NBEA: variants seen among roughly 807,000 people sequenced by gnomAD.
The protein encoded by NBEA is lysosomal-trafficking regulator 2.
In NBEA, 44 loss-of-function variants were observed where a neutral mutation model predicts 343.4. That is an observed-to-expected ratio of 0.13 (90% CI 0.10 to 0.16). The LOEUF is 0.16. Ranked by LOEUF, NBEA falls within the 10% of genes least tolerant of loss-of-function variation. NBEA has a pLI of 1.00. For missense variants in NBEA, 2,555 were observed against 3,631.3 expected, an observed-to-expected ratio of 0.70 and a Z score of 7.62; for synonymous variants, 1,175 against 1,238.7, an observed-to-expected ratio of 0.95 and a Z score of 1.08.
chr13:35,603,948 A>G (rs1358194416), intron 47 of NBEA, among the ~76,000 whole-genome samples: 2 of 152,214 alleles, frequency 1.3e-5, no homozygotes, highest in African/African-American at 4.8e-5. Flanking sequence ...AGCAGAAGAA[A>G]CTATATATTT....
At chr13:35,274,239 A>C (rs2034414040) in intron 34 of NBEA, among the ~76,000 whole-genome samples, 1 of 152,352 alleles carries the variant, frequency 6.6e-6, no homozygotes, top group Admixed American at 6.5e-5. Flanking sequence ...AATCCATGAC[A>C]TAAACAGAAC....
intron 16 of NBEA, 115 bp downstream of exon 16, chr13:35,118,589 G>T (rs185168358): frequency 4.0e-6 from 3 of 752,672 alleles, no homozygotes; most frequent in Non-Finnish European, 6.3e-6. Flanking sequence ...TTGCACATAA[G>T]AGAATAAATG....
intron 39 of NBEA, among the ~76,000 whole-genome samples, chr13:35,439,796 T>C (rs9530593): frequency 0.96 from 146,555 of 152,292 alleles, 70,763 homozygotes; most frequent in East Asian, 1. Context: ...CTATCAGTTC[T>C]ATTTGGAACA....
intron 36 of NBEA, among the ~76,000 whole-genome samples, chr13:35,337,111 A>AG (rs1313486493): frequency 3.3e-5 from 5 of 152,126 alleles, no homozygotes; most frequent in Non-Finnish European, 7.4e-5. Flanking sequence ...AGAAATAAAT[A>AG]AGACATATTG....
At chr13:35,567,248 T>TG (rs1485959917) in intron 45 of NBEA, among the ~76,000 whole-genome samples, 3 of 152,164 alleles carry the variant, frequency 2.0e-5, no homozygotes, top group African/African-American at 7.2e-5. Flanking sequence ...AAACAGCAGA[T>TG]GTAGAGAGAG....
intron 30 of NBEA, among the ~76,000 whole-genome samples, chr13:35,192,293 A>G (rs1201053440): frequency 6.6e-6 from 1 of 152,038 alleles, no homozygotes; most frequent in Non-Finnish European, 1.5e-5. Flanking sequence ...GTTGAAGTTT[A>G]TGGTATCAAC....
At chr13:35,304,929 G>A (rs980754507) in intron 35 of NBEA, among the ~76,000 whole-genome samples, 4 of 151,644 alleles carry the variant, frequency 2.6e-5, no homozygotes, top group Non-Finnish European at 4.4e-5. Context: ...TAATGTTCTT[G>A]GTTTTTCAAT....
At chr13:35,367,554 G>GTT (rs11316543) in intron 38 of NBEA, among the ~76,000 whole-genome samples, 9 of 143,612 alleles carry the variant, frequency 6.3e-5, no homozygotes, top group South Asian at 4.3e-4. Context: ...TGTTGTTGTT[G>GTT]TTTTTTTTTT....
At chr13:35,043,285 A>G (rs2062720256) in intron 2 of NBEA, among the ~76,000 whole-genome samples, 1 of 151,890 alleles carries the variant, frequency 6.6e-6, no homozygotes, top group Admixed American at 6.6e-5. Flanking sequence ...TACAAATTTA[A>G]TAGATTACTT....
intron 40 of NBEA, among the ~76,000 whole-genome samples, chr13:35,453,431 C>A (rs565409307): frequency 6.6e-6 from 1 of 152,068 alleles, no homozygotes; most frequent in African/African-American, 2.4e-5. Context: ...GTTTTGCTTT[C>A]GTTGTTTTTG....
chr13:35,298,203 GTGTGTGTGTATATATA>G (rs1184214947), intron 35 of NBEA, among the ~76,000 whole-genome samples: 2 of 15,414 alleles, frequency 1.3e-4, no homozygotes, highest in African/African-American at 2.1e-4. Context: ...GTGTGTGTGT[GTGTGTGTGTATATATA>G]TATATATATA....
At chr13:35,006,828 C>CT in intron 1 of NBEA, among the ~76,000 whole-genome samples, 2 of 152,318 alleles carry the variant, frequency 1.3e-5, no homozygotes, top group Non-Finnish European at 2.9e-5. Flanking sequence ...TCTTGGCTTA[C>CT]TGCAACCTCC....
intron 41 of NBEA, among the ~76,000 whole-genome samples, chr13:35,544,483 G>A (rs770102957): frequency 1.3e-5 from 2 of 152,060 alleles, no homozygotes; most frequent in Non-Finnish European, 1.5e-5. Flanking sequence ...ATACATGTCC[G>A]ATACGCATGA....
chr13:35,555,826 G>T (rs938686570), intron 44 of NBEA, among the ~76,000 whole-genome samples: 1 of 151,944 alleles, frequency 6.6e-6, no homozygotes, highest in African/African-American at 2.4e-5. Flanking sequence ...ATAAATAAAG[G>T]TGCTTACCAT....
intron 38 of NBEA, among the ~76,000 whole-genome samples, chr13:35,427,917 G>A (rs977854597): frequency 2.0e-5 from 3 of 152,200 alleles, no homozygotes; most frequent in South Asian, 2.1e-4. Flanking sequence ...CTCTATGGGC[G>A]TAGGACCCTC....
At chr13:35,242,572 A>T (rs1158313080) in intron 34 of NBEA, among the ~76,000 whole-genome samples, 1 of 151,874 alleles carries the variant, frequency 6.6e-6, no homozygotes, top group Non-Finnish European at 1.5e-5. Context: ...CCATGGGATA[A>T]ATTCAGACAC....
rs185254867 is a variant in NBEA at position 35,427,989 on chromosome 13, A to G, written c.6180-4280A>G. ...TTTTTCAAGCCCATTGGGAAAGCGC[A>G]GTATTAGGGTGGGAGTGACCTGATT... On this transcript the variant is annotated intron_variant, in intron 38 of 58. Coordinates refer to ENST00000379939, the MANE Select transcript of NBEA (RefSeq NM_001385012.1). 5.3e-5 allele frequency among the ~76,000 whole-genome samples: 8 copies of G among 152,274 alleles called. No individual in the cohort carries two copies. The East Asian group carries it at 1.5e-3, about 29-fold the overall frequency.
intron 41 of NBEA, among the ~76,000 whole-genome samples, chr13:35,519,484 G>C (rs1429577579): frequency 6.6e-6 from 1 of 152,000 alleles, no homozygotes; most frequent in Admixed American, 6.6e-5. Context: ...TGATTATAAA[G>C]ATTTTCTTTT....
chr13:35,202,279 A>G (rs1034482287), intron 31 of NBEA, among the ~76,000 whole-genome samples: 4 of 152,128 alleles, frequency 2.6e-5, no homozygotes, highest in Non-Finnish European at 5.9e-5. Flanking sequence ...AATATATTGC[A>G]TGGTCAGTTT....
Sources: gnomAD v4.1 joint callset for allele counts (sites outside exome capture counted in the v4.1 genomes callset) on GRCh38, gnomAD v4.1.1 for gene constraint, MANE v1.5 for transcripts, NCBI Gene and HGNC (gene_info 2026-07-23, HGNC 2026-07-21) for gene names.